Variants in VRK2 observed in about 807,000 individuals in gnomAD.
The protein encoded by VRK2 is VRK serine/threonine kinase 2.
In VRK2, 60 loss-of-function variants were observed where a neutral mutation model predicts 57.6. That is an observed-to-expected ratio of 1.04 (90% CI 0.85 to 1.29). The LOEUF is 1.29. VRK2 is among the 50% of genes most tolerant of loss of function. VRK2 has a pLI of 0.00. For missense variants in VRK2, 705 were observed against 588.1 expected (o/e 1.20, Z -2.06); for synonymous variants, 231 against 199.2 (o/e 1.16, Z -1.35).
chr2:58,102,839 A>C (rs940455592), intron 7 of VRK2, among the ~76,000 whole-genome samples: 3 of 151,724 alleles, frequency 2.0e-5, no homozygotes, highest in African/African-American at 7.2e-5. Context: ...TTAGGCCACA[A>C]AACTAGCCTC....
chr2:57,987,851 T>C (rs1672646153), intron 1 of VRK2, among the ~76,000 whole-genome samples: 1 of 152,308 alleles, frequency 6.6e-6, no homozygotes, highest in African/African-American at 2.4e-5. Flanking sequence ...TGTAATGACA[T>C]AGATGAATCT....
intron 1 of VRK2, among the ~76,000 whole-genome samples, chr2:58,003,523 C>T (rs192027808): frequency 5.3e-4 from 81 of 152,078 alleles, no homozygotes; most frequent in African/African-American, 1.9e-3. Flanking sequence ...ATATAAGATG[C>T]ACAGTTAAAT....
At chr2:58,003,896 T>C (rs908779718) in intron 1 of VRK2, among the ~76,000 whole-genome samples, 8 of 152,166 alleles carry the variant, frequency 5.3e-5, no homozygotes, top group African/African-American at 1.7e-4. Flanking sequence ...ACTATAACTG[T>C]TAAATCTTGT....
intron 7 of VRK2, among the ~76,000 whole-genome samples, chr2:58,090,161 C>T (rs537794210): frequency 2.0e-5 from 3 of 151,886 alleles, no homozygotes; most frequent in Admixed American, 1.3e-4. Flanking sequence ...TTTGAGAGGC[C>T]GAGGTGAGTG....
intron 1 of VRK2, among the ~76,000 whole-genome samples, chr2:57,926,863 T>A (rs1208244339): frequency 2.0e-5 from 3 of 152,018 alleles, no homozygotes; most frequent in Non-Finnish European, 4.4e-5. Context: ...TATTCAATGT[T>A]CTTATTTATA....
In VRK2 at chr2:57,966,171, T is replaced by C. The variant is rs142058042; in HGVS notation, c.-439+58332T>C. On this transcript the variant is annotated intron_variant, in intron 1 of 15. Coordinates refer to the VRK2 transcript ENST00000417641. ...TCACACTCAGCAAACAGAAAATGTG[T>C]CATCATTGTACTGCCTTGTACATGT... Among the ~76,000 whole-genome samples the C allele has an allele frequency of 2.0e-4, 30 of 152,298 alleles. No individual in the cohort carries two copies. In the East Asian group the frequency reaches 2.9e-3, roughly 15 times the overall value.
At chr2:58,073,450 GTTC>G (rs2104008135) in intron 2 of VRK2, among the ~76,000 whole-genome samples, 1 of 151,830 alleles carries the variant, frequency 6.6e-6, no homozygotes, top group African/African-American at 2.4e-5. Context: ...TTTCCTTCCA[GTTC>G]TCTTAGTTTT....
At chr2:58,118,222 C>G (rs571319584) in intron 7 of VRK2, among the ~76,000 whole-genome samples, 1 of 152,302 alleles carries the variant, frequency 6.6e-6, no homozygotes, top group Admixed American at 6.5e-5. Flanking sequence ...GTACTTGCCC[C>G]TTCCCCAGAA....
Position 58,103,504 on chromosome 2 carries a change from T to A in VRK2, c.543+13781T>A, listed in dbSNP as rs544249291. On this transcript the variant is annotated intron_variant, in intron 7 of 12. Transcript: ENST00000340157. ...AACTAGAAAACCTAGAGGAAATGGA[T>A]ACATTCCTAGAAACATACAACCTCT... 2.0e-5 allele frequency among the ~76,000 whole-genome samples: 3 copies of A among 151,802 alleles called. No homozygotes were observed. The East Asian group carries it at 5.8e-4, about 29-fold the overall frequency.
chr2:58,130,014 A>C (rs1406752552), intron 8 of VRK2, among the ~76,000 whole-genome samples: 1 of 152,220 alleles, frequency 6.6e-6, no homozygotes, highest in Non-Finnish European at 1.5e-5. Context: ...GTTAACTCTC[A>C]AAGGGCTATT....
chr2:58,141,837 A>G (rs535532357), intron 11 of VRK2, among the ~76,000 whole-genome samples: 1 of 152,106 alleles, frequency 6.6e-6, no homozygotes, highest in African/African-American at 2.4e-5. Context: ...ATGCACGTAT[A>G]GGATGATTTC....
chr2:58,039,124 T>TA (rs1439331516), intron 3 of VRK2, among the ~76,000 whole-genome samples: 1 of 152,104 alleles, frequency 6.6e-6, no homozygotes, highest in Non-Finnish European at 1.5e-5. Flanking sequence ...CTGATTTACG[T>TA]AAAAATAAAA....
chr2:58,051,354 T>G lies in VRK2; in HGVS notation c.136+2387T>G, dbSNP rs758428037. ...GGCTCCAGTACTTCAGAATTTATAA[T>G]AAAGATGTGTGTTCCAAATGTTGTA... On this transcript the variant is annotated intron_variant, in intron 2 of 12. Coordinates refer to ENST00000340157, the MANE Select transcript of VRK2 (RefSeq NM_006296.7). Among the ~76,000 whole-genome samples the G allele has an allele frequency of 4.2e-3, 645 of 152,258 alleles. 2 individuals carry two copies. The highest frequency in any genetic ancestry group is 7.0e-3 in the Non-Finnish European group (476 of 68,018).
At chr2:57,933,909 G>GTGTT (rs146265036) in intron 1 of VRK2, among the ~76,000 whole-genome samples, 1 of 151,886 alleles carries the variant, frequency 6.6e-6, no homozygotes, top group Non-Finnish European at 1.5e-5. Flanking sequence ...GGTTTGAGTG[G>GTGTT]TGTTTGTTTG....
At chr2:57,971,159 A>G (rs1034872649) in intron 1 of VRK2, among the ~76,000 whole-genome samples, 4 of 152,040 alleles carry the variant, frequency 2.6e-5, no homozygotes, top group Admixed American at 1.3e-4. Context: ...GAGAAATAAT[A>G]CAAAGAAAAA....
rs1041865711 is a variant in VRK2 at position 58,066,969 on chromosome 2, C to G, written c.137-17120C>G. Among the ~76,000 whole-genome samples the G allele has an allele frequency of 2.0e-5, 3 of 152,290 alleles. No homozygotes were observed. In the East Asian group the frequency reaches 5.8e-4, roughly 29 times the overall value. ...CAGTGGATTGGGAGAGGTAGACCCA[C>G]CCTCAACCTGAGTGGGCAGCATCTA... On this transcript the variant is annotated intron_variant, in intron 2 of 12. Transcript: ENST00000340157.
Position 58,088,358 on chromosome 2 carries a change from TG to T in VRK2, c.364del (p.Glu122LysfsTer3). 1 of 1,611,046 alleles carries T rather than the reference TG, an allele frequency of 6.2e-7. No homozygotes were observed. Among genetic ancestry groups the T allele is most frequent in the South Asian group, 1.1e-5 (1 of 90,430 alleles). On this transcript the variant is annotated frameshift_variant, in exon 6 of 13. Coordinates refer to ENST00000340157, the MANE Select transcript of VRK2 (RefSeq NM_006296.7). LOFTEE classifies it high-confidence loss of function. ...FKGRSYRFMV[M>X]ERLGIDLQKI... The stretch of plus-strand genomic sequence containing the variant: ...TCTTACAGTTACAGATTTATGGTAA[TG>T]GAAAGACTAGGAATAGATTTACAGA...
Position 58,159,545 on chromosome 2 carries a change from G to A in VRK2, c.1379G>A (p.Gly460Glu). The A allele has an allele frequency of 3.7e-6, 6 of 1,613,668 alleles. No individual in the cohort carries two copies. Among genetic ancestry groups the A allele is most frequent in the Non-Finnish European group, 4.2e-6 (5 of 1,179,778 alleles). ...AAATACACTTCCACAGTCAGCACGG[G>A]GATCACAGACTTAGAAAGTTCAACT... ...WYKYTSTVST[G>E]ITDLESSTGL... The change falls in exon 13 of 13, where the codon GGG becomes GAG. Residue 460 changes from glycine (G) to glutamate (E), a missense_variant. By Grantham distance (98) the Gly-to-Glu change is moderately conservative (BLOSUM62 -2). Coordinates refer to ENST00000340157, the MANE Select transcript of VRK2 (RefSeq NM_006296.7).
chr2:57,987,174 C>A (rs1672622453), intron 1 of VRK2, among the ~76,000 whole-genome samples: 1 of 151,780 alleles, frequency 6.6e-6, no homozygotes, highest in African/African-American at 2.4e-5. Context: ...TGAACTTTAT[C>A]AAAATCAAAA....
Sources: allele counts gnomAD v4.1 joint callset (sites outside exome capture counted in the v4.1 genomes callset), GRCh38; gene constraint gnomAD v4.1.1; transcripts MANE v1.5; gene names NCBI Gene and HGNC (gene_info 2026-07-23, HGNC 2026-07-21).